PCLO: variants seen among roughly 807,000 people sequenced by gnomAD.
The protein encoded by PCLO is piccolo presynaptic cytomatrix protein.
A neutral mutation model predicts 427.5 loss-of-function variants in PCLO; 82 were observed. The ratio of observed to expected loss-of-function variants is 0.19; its 90% CI spans 0.16 to 0.23. The LOEUF (loss-of-function observed/expected upper bound fraction) is 0.23. Ranked by LOEUF, PCLO falls within the 10% of genes least tolerant of loss-of-function variation. The pLI is 1.00. For missense variants in PCLO, 6,239 were observed against 6,115.9 expected, an observed-to-expected ratio of 1.02 and a Z score of -0.67; for synonymous variants, 2,357 against 2,155.4, an observed-to-expected ratio of 1.09 and a Z score of -2.59.
intron 3 of PCLO, among the ~76,000 whole-genome samples, chr7:83,051,238 T>G (rs1789246374): frequency 6.6e-6 from 1 of 151,988 alleles, no homozygotes; most frequent in African/African-American, 2.4e-5. Context: ...GAGAAAAAGA[T>G]ATATAGGTTG....
intron 3 of PCLO, among the ~76,000 whole-genome samples, chr7:83,131,741 A>G (rs1238734633): frequency 6.6e-6 from 1 of 152,048 alleles, no homozygotes; most frequent in East Asian, 1.9e-4. Context: ...AGAAAATATT[A>G]GGTCACAAGA....
At chr7:83,018,727 G>A (rs1338631587) in intron 3 of PCLO, among the ~76,000 whole-genome samples, 3 of 151,916 alleles carry the variant, frequency 2.0e-5, no homozygotes. Flanking sequence ...ATTCTGAGTT[G>A]GTGGTTGATT....
intron 22 of PCLO, among the ~76,000 whole-genome samples, chr7:82,793,108 A>G (rs1184193412): frequency 6.6e-6 from 1 of 151,918 alleles, no homozygotes; most frequent in East Asian, 1.9e-4. Flanking sequence ...ACTTGGCCAG[A>G]CACATCATGA....
At chr7:82,877,251 G>A (rs763762137) in intron 10 of PCLO, among the ~76,000 whole-genome samples, 11 of 152,004 alleles carry the variant, frequency 7.2e-5, no homozygotes, top group Non-Finnish European at 1.6e-4. Context: ...GAATCATGCT[G>A]ATTTGTAGTA....
chr7:83,072,355 A>T (rs1003613160), intron 3 of PCLO, among the ~76,000 whole-genome samples: 3 of 152,082 alleles, frequency 2.0e-5, no homozygotes, highest in Non-Finnish European at 2.9e-5. Context: ...AAATTAGAAT[A>T]AAAAAGTCCT....
At chr7:83,000,062 A>C (rs1470412811) in intron 3 of PCLO, among the ~76,000 whole-genome samples, 11 of 150,228 alleles carry the variant, frequency 7.3e-5, no homozygotes, top group Admixed American at 6.7e-4. Flanking sequence ...CAAACAAAAA[A>C]AAAACCACAC....
chr7:82,780,874 T>A (rs1410898173), intron 22 of PCLO, among the ~76,000 whole-genome samples: 1 of 152,162 alleles, frequency 6.6e-6, no homozygotes, highest in Admixed American at 6.5e-5. Flanking sequence ...ATTGGGTGAA[T>A]CATAATATTC....
At chr7:83,052,692 T>C (rs1235640731) in intron 3 of PCLO, among the ~76,000 whole-genome samples, 1 of 152,034 alleles carries the variant, frequency 6.6e-6, no homozygotes, top group East Asian at 1.9e-4. Flanking sequence ...CCTGTGCCTC[T>C]ACCTCGTTGG....
intron 6 of PCLO, among the ~76,000 whole-genome samples, chr7:82,942,339 T>C (rs1431845148): frequency 6.6e-6 from 1 of 152,226 alleles, no homozygotes; most frequent in Non-Finnish European, 1.5e-5. Flanking sequence ...TATTTAGTTT[T>C]ACGCTTTTGG....
rs186040927 is a variant in PCLO at position 82,941,785 on chromosome 7, T to A, written c.11112+7691A>T. Among the ~76,000 whole-genome samples the A allele has an allele frequency of 1.2e-4, 18 of 152,350 alleles. No homozygotes were observed. In the East Asian group the frequency reaches 3.3e-3, roughly 28 times the overall value. On this transcript the variant is annotated intron_variant, in intron 6 of 24. Coordinates refer to ENST00000333891, the MANE Select transcript of PCLO (RefSeq NM_033026.6). Reference sequence around the variant, plus strand: ...CCCCAAACTTTTCCAAATTTTTATATTATAATCCTTTTAGTTGTTTATTCA... The same window carrying A: ...CCCCAAACTTTTCCAAATTTTTATAATATAATCCTTTTAGTTGTTTATTCA...
At chr7:83,058,869 C>T (rs754165436) in intron 3 of PCLO, among the ~76,000 whole-genome samples, 1 of 152,032 alleles carries the variant, frequency 6.6e-6, no homozygotes, top group African/African-American at 2.4e-5. Flanking sequence ...GACAAGTCAG[C>T]ATTTATAAAA....
In PCLO at chr7:83,134,243, A is replaced by ATATATATC; in HGVS notation, c.3300+6_3300+7insGATATATA. On this transcript the variant is annotated splice_region_variant and intron_variant, in intron 3 of 24. Transcript: ENST00000333891. ...AATATATATATATATATATATATAT[A>ATATATATC]ACTTACCTCAGTCAAATGTGGTGTA... 2 of 1,087,950 alleles carry ATATATATC rather than the reference A, an allele frequency of 1.8e-6. No homozygotes were observed. Among genetic ancestry groups the ATATATATC allele is most frequent in the Non-Finnish European group, 2.6e-6 (2 of 770,486 alleles). 67.4% of individuals were successfully genotyped at this position (1,087,950 alleles called of 1,614,324 possible).
chr7:82,884,521 G>T (rs1468201130), intron 9 of PCLO, among the ~76,000 whole-genome samples: 1 of 152,106 alleles, frequency 6.6e-6, no homozygotes, highest in Non-Finnish European at 1.5e-5. Flanking sequence ...TTCATGTAAT[G>T]ACATAAAGAT....
At chr7:82,775,674 T>A (rs1790734734) in intron 22 of PCLO, among the ~76,000 whole-genome samples, 2 of 152,200 alleles carry the variant, frequency 1.3e-5, no homozygotes, top group Admixed American at 6.5e-5. Context: ...GCTTACAGTT[T>A]TATTCTTTTG....
At chr7:82,801,718 A>C in intron 21 of PCLO, 127 bp from the exon 22 acceptor site, 3 of 609,622 alleles carry the variant, frequency 4.9e-6, no homozygotes, top group Non-Finnish European at 8.7e-6. Context: ...TGCACAACCG[A>C]ATATTTTTGG....
At chr7:83,136,145 C>CT in intron 2 of PCLO, among the ~76,000 whole-genome samples, 1 of 151,984 alleles carries the variant, frequency 6.6e-6, no homozygotes. Context: ...CTAAAGTACC[C>CT]TATATTAAGG....
chr7:82,920,916 G>A (rs1447575943), intron 6 of PCLO, among the ~76,000 whole-genome samples: 1 of 151,658 alleles, frequency 6.6e-6, no homozygotes, highest in East Asian at 1.9e-4. Context: ...AGTCCTAGAT[G>A]CTAGACCAAA....
At chr7:83,021,065 A>T (rs1171353413) in intron 3 of PCLO, among the ~76,000 whole-genome samples, 3 of 152,182 alleles carry the variant, frequency 2.0e-5, no homozygotes, top group Non-Finnish European at 4.4e-5. Flanking sequence ...GAAACCCAGA[A>T]GAGACTGAAT....
At chr7:82,786,754 C>G (rs1389251472) in intron 22 of PCLO, among the ~76,000 whole-genome samples, 1 of 152,070 alleles carries the variant, frequency 6.6e-6, no homozygotes, top group African/African-American at 2.4e-5. Flanking sequence ...CCCCACCCCC[C>G]AACAGGCCCT....
Sources: gnomAD v4.1 joint callset for allele counts (sites outside exome capture counted in the v4.1 genomes callset) on GRCh38, gnomAD v4.1.1 for gene constraint, MANE v1.5 for transcripts, NCBI Gene and HGNC (gene_info 2026-07-23, HGNC 2026-07-21) for gene names.